NSMAF: variants seen among roughly 807,000 people sequenced by gnomAD.
NSMAF encodes neutral sphingomyelinase activation associated factor.
A neutral mutation model predicts 134.9 loss-of-function variants in NSMAF; 90 were observed. The ratio of observed to expected loss-of-function variants is 0.67; its 90% CI spans 0.56 to 0.79. NSMAF has a LOEUF of 0.79. Among genes scored for constraint, NSMAF ranks in the 30% least tolerant of loss-of-function variants. The probability of loss-of-function intolerance (pLI) is 0.00; values close to 1 mark genes in which losing one functional copy is unlikely to be tolerated. For missense variants in NSMAF, 1,010 were observed against 1,119.0 expected (o/e 0.90, Z 1.39); for synonymous variants, 358 against 389.6 (o/e 0.92, Z 0.96).
intron 11 of NSMAF, among the ~76,000 whole-genome samples, chr8:58,607,362 T>C (rs1806432475): frequency 6.6e-6 from 1 of 152,236 alleles, no homozygotes; most frequent in South Asian, 2.1e-4. Flanking sequence ...GTGAATATAC[T>C]AGTTCCACTA....
chr8:58,606,541 G>T (rs913695909), intron 11 of NSMAF, among the ~76,000 whole-genome samples: 1 of 151,988 alleles, frequency 6.6e-6, no homozygotes, highest in African/African-American at 2.4e-5. Flanking sequence ...TCAGCCTCTC[G>T]AGTAGCTAAG....
Position 58,611,825 on chromosome 8 carries a change from T to C in NSMAF, c.558-2092A>G, listed in dbSNP as rs140109769. 6.8e-4 allele frequency among the ~76,000 whole-genome samples: 103 copies of C among 152,128 alleles called. 1 individual carries two copies. The highest frequency in any genetic ancestry group is 3.4e-3 in the Middle Eastern group (1 of 294). The stretch of plus-strand genomic sequence containing the variant: ...TTAAACATACTAACTTAAGTATAAC[T>C]GATTATAAAAGAAAAGACAGAAAAT... On this transcript the variant is annotated intron_variant, in intron 9 of 30. Coordinates refer to ENST00000038176, the MANE Select transcript of NSMAF (RefSeq NM_003580.4).
rs1454575396 is a variant in NSMAF, at chr8:58,621,122, T to C, written c.557+2098A>G. ...TCCCATCCTCCACCCTCAAGCAGGCTCAGTGTCTATTGTTCCCTTCTTTGC... is the reference window on the plus strand; with the variant it reads ...TCCCATCCTCCACCCTCAAGCAGGCCCAGTGTCTATTGTTCCCTTCTTTGC... On this transcript the variant is annotated intron_variant, in intron 9 of 30. Transcript: ENST00000038176. Among the ~76,000 whole-genome samples, 2 of 152,098 alleles carry C rather than the reference T, an allele frequency of 1.3e-5. 1 individual carries two copies. Among genetic ancestry groups the C allele is most frequent in the East Asian group, 3.9e-4 (2 of 5,184 alleles).
intron 14 of NSMAF, 121 bp downstream of exon 14, chr8:58,601,937 C>T (rs1457840291): frequency 4.2e-6 from 3 of 719,812 alleles, no homozygotes; most frequent in East Asian, 5.4e-5. Flanking sequence ...TAAGAAAAAA[C>T]TCTACGTAGA....
At chr8:58,594,440 T>C in intron 22 of NSMAF, 150 bp from the exon 23 acceptor site, 1 of 678,540 alleles carries the variant, frequency 1.5e-6, no homozygotes, top group Non-Finnish European at 2.6e-6. Context: ...AACCTGCCAT[T>C]ACCAAATCAC....
rs947529108 is a variant in NSMAF at position 58,590,916 on chromosome 8, A to G, written c.1970T>C (p.Phe657Ser). 2.7e-5 allele frequency: 42 copies of G among 1,570,788 alleles called. No homozygotes were observed. The highest frequency in any genetic ancestry group is 3.7e-5 in the Non-Finnish European group (42 of 1,148,108). The change falls in exon 24 of 31, where the codon TTT becomes TCT. Residue 657 changes from phenylalanine to serine, a missense_variant. Transcript: ENST00000038176. ...TTSQDSTLKM[F>S]SKESKMLQRS... Reference sequence around the variant, plus strand: ...TTGTAGCATTTTTGATTCTTTAGAAAACATCTTCAAGGTGGAATCTAATTT... The same window carrying G: ...TTGTAGCATTTTTGATTCTTTAGAAGACATCTTCAAGGTGGAATCTAATTT...
chr8:58,623,324 T>C (rs983774305), intron 8 of NSMAF, 52 bp from the exon 9 acceptor site: 1 of 1,603,136 alleles, frequency 6.2e-7, no homozygotes, highest in African/African-American at 1.3e-5. Flanking sequence ...ATAAGTAAAA[T>C]ATCAATACAA....
Position 58,590,783 on chromosome 8 carries a change from G to A in NSMAF, c.2019+84C>T, listed in dbSNP as rs149344037. 2,709 of 1,313,840 alleles carry A rather than the reference G, an allele frequency of 2.1e-3. 50 individuals are homozygous for A. In the African/African-American group the frequency reaches 0.035, roughly 17 times the overall value. The allele number at this position is 1,313,840 out of a possible 1,614,324, so 81.4% of individuals were successfully genotyped here. ...ACAGGAATAAACTCAATTGTTTTGG[G>A]AGAAATAAAGTATTATTGTATGGGT... On this transcript the variant is annotated intron_variant, in intron 24 of 30. Transcript: ENST00000038176.
In NSMAF at chr8:58,638,320, C is replaced by G. The variant is rs576660052; in HGVS notation, c.150-2774G>C. 2.0e-5 allele frequency among the ~76,000 whole-genome samples: 3 copies of G among 152,284 alleles called. No individual in the cohort carries two copies. In the East Asian group the frequency reaches 5.8e-4, roughly 29 times the overall value. On this transcript the variant is annotated intron_variant, in intron 2 of 30. Transcript: ENST00000038176. The stretch of plus-strand genomic sequence containing the variant: ...TCAGCCTCCTGAGTAGCTGGCATTA[C>G]AGGTGCAAGCCACCATGCCTGGTCC...
At chr8:58,591,067 C>A in intron 23 of NSMAF, 133 bp from the exon 24 acceptor site, 2 of 1,084,672 alleles carry the variant, frequency 1.8e-6, no homozygotes, top group Non-Finnish European at 2.5e-6. Context: ...TTATGGAAAA[C>A]CGAATGTAAA....
At chr8:58,600,689 T>C (rs528346457) in intron 16 of NSMAF, among the ~76,000 whole-genome samples, 1 of 150,436 alleles carries the variant, frequency 6.6e-6, no homozygotes, top group African/African-American at 2.5e-5. Context: ...AAAGGAATTA[T>C]TATTAGATAT....
chr8:58,650,351 C>T (rs563414542), intron 1 of NSMAF, among the ~76,000 whole-genome samples: 13 of 152,248 alleles, frequency 8.5e-5, no homozygotes, highest in Middle Eastern at 3.4e-3. Flanking sequence ...TTGAAATTAA[C>T]TATGTATAAC....
In NSMAF at chr8:58,594,231, C is replaced by T. The variant is rs765664232; in HGVS notation, c.1951+1G>A. ...GCCGCCTTTCGGGGAGGAACACTGA[C>T]CTTGGGATGTTGTGAATACTGAAGA... On this transcript the variant is annotated splice_donor_variant, in intron 23 of 30. Coordinates refer to ENST00000038176, the MANE Select transcript of NSMAF (RefSeq NM_003580.4). LOFTEE classifies it high-confidence loss of function. 1 of 1,613,928 alleles carries T rather than the reference C, an allele frequency of 6.2e-7. No individual in the cohort carries two copies. The highest frequency in any genetic ancestry group is 1.1e-5 in the South Asian group (1 of 91,058).
At chr8:58,601,383 C>G in intron 15 of NSMAF, 35 bp from the exon 16 acceptor site, 1 of 1,611,234 alleles carries the variant, frequency 6.2e-7, no homozygotes, top group Non-Finnish European at 8.5e-7. Flanking sequence ...AGTCAGGTCA[C>G]AGAATCATTG....
chr8:58,597,842 T>C lies in NSMAF; in HGVS notation c.1628+18A>G. 6.5e-7 allele frequency: 1 copy of C among 1,540,774 alleles called. No individual in the cohort carries two copies. Among genetic ancestry groups the C allele is most frequent in the Non-Finnish European group, 9.0e-7 (1 of 1,116,152 alleles). ...ATCTTATAACTCAAGTAGAAACTCC[T>C]TATTGACATATAAGTACCTGTTCAA... On this transcript the variant is annotated intron_variant, in intron 20 of 30. Coordinates refer to ENST00000038176, the MANE Select transcript of NSMAF (RefSeq NM_003580.4).
chr8:58,656,911 T>A (rs1053676288), intron 1 of NSMAF, among the ~76,000 whole-genome samples: 6 of 152,170 alleles, frequency 3.9e-5, no homozygotes, highest in Non-Finnish European at 7.4e-5. Context: ...ACTAAAAAAA[T>A]TTTAGTATAA....
chr8:58,606,086 G>T, intron 11 of NSMAF, 51 bp from the exon 12 acceptor site: 2 of 1,065,432 alleles, frequency 1.9e-6, no homozygotes, highest in East Asian at 3.2e-5. Context: ...TATTCATCTT[G>T]CAATCCCAAT....
At chr8:58,621,579 G>A (rs748919106) in intron 9 of NSMAF, among the ~76,000 whole-genome samples, 2 of 151,992 alleles carry the variant, frequency 1.3e-5, no homozygotes, top group Non-Finnish European at 2.9e-5. Flanking sequence ...CCACCAACAG[G>A]GTACAAGCAT....
chr8:58,642,371 C>T (rs189414394), intron 2 of NSMAF, among the ~76,000 whole-genome samples: 1 of 152,268 alleles, frequency 6.6e-6, no homozygotes, highest in African/African-American at 2.4e-5. Flanking sequence ...TCATTACATG[C>T]TTCTGTACAT....
Sources: gnomAD v4.1 joint callset for allele counts (sites outside exome capture counted in the v4.1 genomes callset) on GRCh38, gnomAD v4.1.1 for gene constraint, MANE v1.5 for transcripts, NCBI Gene and HGNC (gene_info 2026-07-23, HGNC 2026-07-21) for gene names.